The following PKHD1L1 variants were observed in gnomAD, a reference collection of about 807,000 sequenced individuals.
The protein encoded by PKHD1L1 is PKHD1 like 1, also known as fibrocystin-L.
In PKHD1L1, 434 loss-of-function variants were observed where a neutral mutation model predicts 462.9. The ratio of observed to expected loss-of-function variants is 0.94; its 90% CI spans 0.87 to 1.02. PKHD1L1 has a LOEUF of 1.02. PKHD1L1 is among the 50% of genes least tolerant of loss of function. The probability of loss-of-function intolerance (pLI) is 0.00; values close to 1 mark genes in which losing one functional copy is unlikely to be tolerated. For missense variants in PKHD1L1, 5,202 were observed against 5,096.1 expected (o/e 1.02, Z -0.63); for synonymous variants, 1,781 against 1,750.0 (o/e 1.02, Z -0.44).
intron 2 of PKHD1L1, among the ~76,000 whole-genome samples, chr8:109,372,028 G>A (rs200012161): frequency 5.3e-5 from 8 of 151,974 alleles, no homozygotes; most frequent in East Asian, 1.9e-4. Context: ...TAGTTTTTTC[G>A]AATTCTGTGA....
At chr8:109,433,337 C>A (rs1815216153) in intron 28 of PKHD1L1, 121 bp downstream of exon 28, 2 of 888,212 alleles carry the variant, frequency 2.3e-6, no homozygotes, top group Admixed American at 2.2e-5. Flanking sequence ...TTACAATTAT[C>A]ATGATCCCTA....
At position 109,406,483 on chromosome 8, in the gene PKHD1L1, G is replaced by T. The variant is rs750858493; in HGVS notation, c.1813+5G>T. The T allele has an allele frequency of 6.3e-7, 1 of 1,589,632 alleles. No individual in the cohort carries two copies. The highest frequency in any genetic ancestry group is 8.6e-7 in the Non-Finnish European group (1 of 1,168,544). On this transcript the variant is annotated splice_donor_5th_base_variant and intron_variant, in intron 17 of 77. Transcript: ENST00000378402. ...TAACATTCATATCAACTAGAGGTAA[G>T]CATGTACTTAATTTTGTACTTCTGT...
intron 7 of PKHD1L1, 147 bp from the exon 8 acceptor site, chr8:109,388,932 T>C (rs906425174): frequency 9.9e-6 from 5 of 506,122 alleles, no homozygotes; most frequent in African/African-American, 2.0e-5. Flanking sequence ...GTCTGGGAAA[T>C]AGTTTTATTT....
At position 109,401,093 on chromosome 8, in the gene PKHD1L1, G is replaced by C. The variant is rs550300424; in HGVS notation, c.1282-404G>C. Among the ~76,000 whole-genome samples the C allele has an allele frequency of 6.6e-5, 10 of 152,252 alleles. No individual in the cohort carries two copies. The East Asian group carries it at 1.7e-3, about 26-fold the overall frequency. On this transcript the variant is annotated intron_variant, in intron 13 of 77. Coordinates refer to ENST00000378402, the MANE Select transcript of PKHD1L1 (RefSeq NM_177531.6). ...CAAAGTCCTCTCACTCTAGTGTGCA[G>C]AACCATTTAGCAATCTTTGGCAATC...
chr8:109,384,317 T>C lies in PKHD1L1; in HGVS notation c.475+190T>C, dbSNP rs530435922. Among the ~76,000 whole-genome samples, 9 of 152,214 alleles carry C rather than the reference T, an allele frequency of 5.9e-5. No homozygotes were observed. In the East Asian group the frequency reaches 1.7e-3, roughly 29 times the overall value. ...ATTTGGGGAGGCCAAAATGCAAGAATTCCTCGAGCCCAAGAGTTTGAGACC... is the reference window on the plus strand; with the variant it reads ...ATTTGGGGAGGCCAAAATGCAAGAACTCCTCGAGCCCAAGAGTTTGAGACC... On this transcript the variant is annotated intron_variant, in intron 5 of 77. Coordinates refer to ENST00000378402, the MANE Select transcript of PKHD1L1 (RefSeq NM_177531.6).
rs2130704429 is a variant in PKHD1L1 at position 109,433,209 on chromosome 8, T to A, written c.3333T>A (p.Ser1111=). 4 of 1,608,732 alleles carry A rather than the reference T, an allele frequency of 2.5e-6. No individual in the cohort carries two copies. In the East Asian group the frequency reaches 8.9e-5, roughly 36 times the overall value. The change falls in exon 28 of 78, where the codon TCT becomes TCA. Residue 1111 remains serine (S), a synonymous_variant. Transcript: ENST00000378402. ...GACCAGTAGGTTGTTCTCTTCTTTCTGTGGATGGTAGGTCCTTTTAAAAAC... is the reference window on the plus strand; with the variant it reads ...GACCAGTAGGTTGTTCTCTTCTTTCAGTGGATGGTAGGTCCTTTTAAAAAC... ...SVGPVGCSLL[S]VDEKELKCQI...
intron 77 of PKHD1L1, among the ~76,000 whole-genome samples, chr8:109,528,088 G>C (rs939958656): frequency 2.6e-5 from 4 of 152,154 alleles, no homozygotes; most frequent in Non-Finnish European, 5.9e-5. Flanking sequence ...TGATAAAAGG[G>C]AGACGTCCCT....
chr8:109,398,573 C>A (rs908485725), intron 12 of PKHD1L1, 25 bp downstream of exon 12: 6 of 1,171,576 alleles, frequency 5.1e-6, no homozygotes, highest in African/African-American at 3.1e-5. Context: ...GGGACAATGG[C>A]CATTTCTATA....
chr8:109,473,435 G>A (rs903147865), intron 50 of PKHD1L1, among the ~76,000 whole-genome samples: 1 of 151,690 alleles, frequency 6.6e-6, no homozygotes, highest in African/African-American at 2.4e-5. Context: ...AGAATTGCTT[G>A]AATCCAGGAG....
In PKHD1L1 at chr8:109,444,557, G is replaced by A. The variant is rs1563549746; in HGVS notation, c.4792-104G>A. ...ATTTATGAATAAAAGATATTTATTT[G>A]CACATGATTAACTTTTAAAATTTGT... On this transcript the variant is annotated intron_variant, in intron 37 of 77. Transcript: ENST00000378402. The A allele has an allele frequency of 1.9e-6, 2 of 1,041,930 alleles. 1 individual carries two copies. Among genetic ancestry groups the A allele is most frequent in the Middle Eastern group, 5.8e-4 (2 of 3,476 alleles). 64.5% of individuals were successfully genotyped at this position (1,041,930 alleles called of 1,614,324 possible). A position where few individuals can be genotyped will look rare whatever the true frequency, so the allele number is the denominator to read the frequency against.
At position 109,401,595 on chromosome 8, in the gene PKHD1L1, C is replaced by T. The variant is rs2061294; in HGVS notation, c.1373+7C>T. 799,297 of 1,453,846 alleles carry T rather than the reference C, an allele frequency of 0.55. 223,320 individuals carry two copies. Among genetic ancestry groups the T allele is most frequent in the African/African-American group, 0.71 (50,850 of 71,636 alleles). The allele number at this position is 1,453,846 out of a possible 1,614,324, so 90.1% of individuals were successfully genotyped here. A position where few individuals can be genotyped will look rare whatever the true frequency, so the allele number is the denominator to read the frequency against. ...ATCTGCAGAAAGGAAAAGAGTAAGG[C>T]TTTTTCCTGTCATTAAATTACTGTG... On this transcript the variant is annotated splice_region_variant and intron_variant, in intron 14 of 77. Coordinates refer to ENST00000378402, the MANE Select transcript of PKHD1L1 (RefSeq NM_177531.6).
At chr8:109,513,409 C>A (rs1229182881) in intron 71 of PKHD1L1, among the ~76,000 whole-genome samples, 2 of 152,052 alleles carry the variant, frequency 1.3e-5, no homozygotes, top group East Asian at 3.9e-4. Flanking sequence ...CAGAAATACA[C>A]CTTTGAAATT....
chr8:109,390,114 T>C (rs961311706), intron 8 of PKHD1L1, among the ~76,000 whole-genome samples: 2 of 152,200 alleles, frequency 1.3e-5, no homozygotes, highest in Admixed American at 1.3e-4. Flanking sequence ...TCTCAGCCTC[T>C]AGCAGAGTGT....
chr8:109,401,759 A>G (rs1442022135), intron 14 of PKHD1L1, among the ~76,000 whole-genome samples, 171 bp downstream of exon 14: 3 of 152,164 alleles, frequency 2.0e-5, no homozygotes, highest in Admixed American at 6.6e-5. Flanking sequence ...TTGATTTTCA[A>G]GAATACTGGC....
Position 109,477,328 on chromosome 8 carries a change from C to T in PKHD1L1, c.9021C>T (p.Leu3007=). 1.9e-6 allele frequency: 3 copies of T among 1,613,498 alleles called. No individual in the cohort carries two copies. Among genetic ancestry groups the T allele is most frequent in the Non-Finnish European group, 1.7e-6 (2 of 1,179,634 alleles). The change falls in exon 53 of 78, where the codon CTC becomes CTT. Residue 3007 remains leucine (L), a synonymous_variant. Coordinates refer to ENST00000378402, the MANE Select transcript of PKHD1L1 (RefSeq NM_177531.6). ...VINFQAYCCI[L]QDCFPVHPPS... is the part of the protein sequence containing the mutation. ...ATTTCCAAGCTTACTGTTGTATTCT[C>T]CAGGATTGCTTTCCTGTACATCCGC... is the stretch of plus-strand genomic sequence containing the variant.
At chr8:109,523,069 G>A (rs901694960) in intron 75 of PKHD1L1, among the ~76,000 whole-genome samples, 164 bp from the exon 76 acceptor site, 5 of 152,094 alleles carry the variant, frequency 3.3e-5, no homozygotes, top group East Asian at 1.9e-4. Flanking sequence ...TATGTTAAAC[G>A]AACTTCTGCT....
chr8:109,449,786 A>G (rs1816379047), intron 40 of PKHD1L1, among the ~76,000 whole-genome samples: 2 of 152,210 alleles, frequency 1.3e-5, no homozygotes, highest in African/African-American at 2.4e-5. Context: ...CCATTAGAGT[A>G]TTAGGATTCC....
intron 10 of PKHD1L1, 22 bp from the exon 11 acceptor site, chr8:109,396,005 A>G: frequency 6.7e-7 from 1 of 1,487,724 alleles, no homozygotes; most frequent in Non-Finnish European, 9.2e-7. Context: ...ATGATATTTT[A>G]TTTAATGTGG....
At chr8:109,514,559 T>C (rs1820166814) in intron 71 of PKHD1L1, among the ~76,000 whole-genome samples, 1 of 152,154 alleles carries the variant, frequency 6.6e-6, no homozygotes, top group African/African-American at 2.4e-5. Context: ...TCTGAGCCTC[T>C]GAAGACAATA....
Sources: allele counts gnomAD v4.1 joint callset (sites outside exome capture counted in the v4.1 genomes callset), GRCh38; gene constraint gnomAD v4.1.1; transcripts MANE v1.5; gene names NCBI Gene and HGNC (gene_info 2026-07-23, HGNC 2026-07-21).